Variants in DIAPH2 observed in about 807,000 individuals in gnomAD.
The protein encoded by DIAPH2 is protein diaphanous homolog 2.
Under a neutral mutation model 92.7 loss-of-function variants are expected in DIAPH2, and 35 were observed. The observed-to-expected ratio is 0.38, with a 90% confidence interval of 0.29 to 0.50. The LOEUF is 0.50. Among genes scored for constraint, DIAPH2 ranks in the 20% least tolerant of loss-of-function variants. The probability of loss-of-function intolerance (pLI) is 0.94; values close to 1 mark genes in which losing one functional copy is unlikely to be tolerated. For synonymous variants in DIAPH2, 301 were observed against 280.4 expected (o/e 1.07, Z -0.73); for missense variants, 701 against 819.5 (o/e 0.86, Z 1.77).
At chrX:97,118,554 A>T (rs535640290) in intron 21 of DIAPH2, among the ~76,000 whole-genome samples, 1 of 112,038 alleles carries the variant, frequency 8.9e-6, no homozygotes, top group Non-Finnish European at 1.9e-5. Flanking sequence ...TGATCTATTC[A>T]TCAGAGGCCT....
intron 26 of DIAPH2, among the ~76,000 whole-genome samples, chrX:97,438,361 T>G (rs2070214979): frequency 4.1e-5 from 3 of 72,515 alleles, no homozygotes; most frequent in African/African-American, 1.6e-4. Flanking sequence ...GTTTGTTTGT[T>G]TTTTTTTTTT....
chrX:97,222,980 C>A (rs773560189), intron 22 of DIAPH2, among the ~76,000 whole-genome samples: 1 of 110,643 alleles, frequency 9.0e-6, no homozygotes. Flanking sequence ...TGCCACCATG[C>A]CCTTAAGCTA....
intron 23 of DIAPH2, among the ~76,000 whole-genome samples, chrX:97,258,843 C>G (rs1211241062): frequency 1.1e-5 from 1 of 92,197 alleles, no homozygotes; most frequent in African/African-American, 4.1e-5. Context: ...TGCACTCCAG[C>G]CTGGGCGACA....
At chrX:97,246,077 A>AT (rs748702486) in intron 22 of DIAPH2, among the ~76,000 whole-genome samples, 4,177 of 81,086 alleles carry the variant, frequency 0.052, 86 homozygotes, top group Non-Finnish European at 0.061. Context: ...TAATTTTTGT[A>AT]TTTTTTTTTT....
At chrX:96,800,677 CAGTG>C (rs2064576055) in intron 4 of DIAPH2, among the ~76,000 whole-genome samples, 1 of 111,962 alleles carries the variant, frequency 8.9e-6, no homozygotes, top group Non-Finnish European at 1.9e-5. Context: ...GGTTGATCGT[CAGTG>C]AGAGCTGCAG....
At chrX:96,821,327 C>T (rs898630667) in intron 4 of DIAPH2, among the ~76,000 whole-genome samples, 6 of 111,762 alleles carry the variant, frequency 5.4e-5, no homozygotes, top group African/African-American at 2.0e-4. Context: ...TTCTCCTTCA[C>T]TCTTTTTTTT....
chrX:96,747,973 G>A (rs920611211), intron 3 of DIAPH2, among the ~76,000 whole-genome samples: 3 of 111,441 alleles, frequency 2.7e-5, no homozygotes, highest in East Asian at 2.8e-4. Flanking sequence ...ATCATTAGAC[G>A]GAGATAATGC....
intron 26 of DIAPH2, among the ~76,000 whole-genome samples, chrX:97,583,175 G>A (rs968149844): frequency 1.8e-5 from 2 of 112,101 alleles, no homozygotes; most frequent in Non-Finnish European, 3.8e-5. Flanking sequence ...CTCTCAGCTC[G>A]TCGAAGTCAT....
intron 26 of DIAPH2, among the ~76,000 whole-genome samples, chrX:97,486,418 A>G (rs1038471068): frequency 9.0e-6 from 1 of 111,689 alleles, no homozygotes; most frequent in Non-Finnish European, 1.9e-5. Context: ...GCTAGAGAAA[A>G]AGAGCTATAA....
intron 25 of DIAPH2, among the ~76,000 whole-genome samples, chrX:97,410,482 T>A (rs1569389031): frequency 8.9e-6 from 1 of 111,913 alleles, no homozygotes; most frequent in African/African-American, 3.3e-5. Context: ...GTGAAAATTC[T>A]AAAAATCAGA....
intron 22 of DIAPH2, among the ~76,000 whole-genome samples, chrX:97,142,007 C>A (rs775797442): frequency 3.0e-4 from 33 of 111,569 alleles, no homozygotes; most frequent in Non-Finnish European, 5.7e-4. Flanking sequence ...ACCACTGCTA[C>A]GTTATTAAAG....
At chrX:97,168,777 G>A (rs763339829) in intron 22 of DIAPH2, among the ~76,000 whole-genome samples, 7 of 112,000 alleles carry the variant, frequency 6.3e-5, no homozygotes, top group African/African-American at 2.3e-4. Flanking sequence ...GCATGGTCTG[G>A]TTTTGGAGAA....
chrX:97,079,326 A>G (rs2066725880), intron 19 of DIAPH2, among the ~76,000 whole-genome samples: 1 of 111,445 alleles, frequency 9.0e-6, no homozygotes, highest in Non-Finnish European at 1.9e-5. Flanking sequence ...ATGTAAAGAG[A>G]CTTGACATAG....
chrX:97,112,166 A>G (rs1308586928), intron 20 of DIAPH2, among the ~76,000 whole-genome samples: 1 of 111,724 alleles, frequency 9.0e-6, no homozygotes, highest in African/African-American at 3.3e-5. Context: ...CAGGCACATG[A>G]TATTGGGACC....
intron 21 of DIAPH2, among the ~76,000 whole-genome samples, chrX:97,129,398 C>T (rs917237560): frequency 4.6e-5 from 5 of 109,553 alleles, no homozygotes; most frequent in Middle Eastern, 4.7e-3. Context: ...AACTCCTGAC[C>T]GCGTGATCCA....
chrX:96,970,972 G>T (rs1370846697), intron 17 of DIAPH2, among the ~76,000 whole-genome samples: 1 of 111,722 alleles, frequency 9.0e-6, no homozygotes, highest in African/African-American at 3.3e-5. Flanking sequence ...TTTATTTTCT[G>T]TAAAGGCATA....
At chrX:97,558,827 C>T (rs72614324) in intron 26 of DIAPH2, among the ~76,000 whole-genome samples, 5 of 111,902 alleles carry the variant, frequency 4.5e-5, no homozygotes, top group East Asian at 5.6e-4. Context: ...GGGTTATAGA[C>T]TACAGCACCT....
intron 26 of DIAPH2, among the ~76,000 whole-genome samples, chrX:97,509,806 A>G (rs1488413374): frequency 1.8e-5 from 2 of 109,555 alleles, no homozygotes; most frequent in African/African-American, 6.7e-5. Flanking sequence ...ATTATTTCCA[A>G]TTTCATCCAT....
chrX:97,447,392 T>C (rs570653733), intron 26 of DIAPH2, among the ~76,000 whole-genome samples: 3 of 111,466 alleles, frequency 2.7e-5, no homozygotes, highest in African/African-American at 9.8e-5. Context: ...AGTTCTTTTA[T>C]TCCTGGGCTA....
Sources: gnomAD v4.1 joint callset for allele counts (sites outside exome capture counted in the v4.1 genomes callset) on GRCh38, gnomAD v4.1.1 for gene constraint, MANE v1.5 for transcripts, NCBI Gene and HGNC (gene_info 2026-07-23, HGNC 2026-07-21) for gene names.